TBC1D17: variants seen among roughly 807,000 people sequenced by gnomAD.
The protein encoded by TBC1D17 is TBC1 domain family member 17.
In TBC1D17, 69 loss-of-function variants were observed where a neutral mutation model predicts 78.8. The observed-to-expected ratio is 0.88, with a 90% confidence interval of 0.72 to 1.07. The LOEUF is 1.07. TBC1D17 is among the 50% of genes least tolerant of loss of function. The pLI is 0.00. For missense variants in TBC1D17, 957 were observed against 861.0 expected, an observed-to-expected ratio of 1.11 and a Z score of -1.39; for synonymous variants, 456 against 358.3, an observed-to-expected ratio of 1.27 and a Z score of -3.08.
intron 4 of TBC1D17, among the ~76,000 whole-genome samples, chr19:49,880,808 T>C (rs2075006022): frequency 6.6e-6 from 1 of 151,900 alleles, no homozygotes; most frequent in South Asian, 2.1e-4. Context: ...CAGGAAGAGG[T>C]GATGCTGGAG....
rs567453463 is a variant in TBC1D17 at position 49,887,160 on chromosome 19, C to T, written c.1445-316C>T. ...CCTTCAGCTTAAATTTTTGCTACAGCGTATCTAGGAGTGTCAGTTCCCTTA... is the reference window on the plus strand; with the variant it reads ...CCTTCAGCTTAAATTTTTGCTACAGTGTATCTAGGAGTGTCAGTTCCCTTA... On this transcript the variant is annotated intron_variant, in intron 13 of 16. Coordinates refer to ENST00000221543, the MANE Select transcript of TBC1D17 (RefSeq NM_024682.3). The T allele has an allele frequency of 9.9e-4, 360 of 365,396 alleles. 1 individual carries two copies. Among genetic ancestry groups the T allele is most frequent in the Non-Finnish European group, 1.5e-3 (298 of 192,324 alleles). The allele number at this position is 365,396 out of a possible 1,614,324, so 22.6% of individuals were successfully genotyped here. A position where few individuals can be genotyped will look rare whatever the true frequency, so the allele number is the denominator to read the frequency against.
chr19:49,888,416 G>C lies in TBC1D17; in HGVS notation c.1747-8G>C. 6.3e-7 allele frequency: 1 copy of C among 1,593,396 alleles called. No individual in the cohort carries two copies. The highest frequency in any genetic ancestry group is 8.5e-7 in the Non-Finnish European group (1 of 1,175,616). ...CCGCTTTTCGCTTCTCTCATCCCGT[G>C]CCTCCAGGAGCTGCCCCACAACGTG... is the stretch of plus-strand genomic sequence containing the variant. On this transcript the variant is annotated splice_region_variant and splice_polypyrimidine_tract_variant and intron_variant, in intron 16 of 16. Coordinates refer to ENST00000221543, the MANE Select transcript of TBC1D17 (RefSeq NM_024682.3).
chr19:49,881,268 G>A lies in TBC1D17; in HGVS notation c.320G>A (p.Gly107Asp), dbSNP rs757115468. 1 of 1,612,326 alleles carries A rather than the reference G, an allele frequency of 6.2e-7. No individual in the cohort carries two copies. Among genetic ancestry groups the A allele is most frequent in the Non-Finnish European group, 8.5e-7 (1 of 1,179,582 alleles). Reference protein sequence around the residue: ...PQLCHSEPTRGAEPSCPQGSW... With the variant: ...PQLCHSEPTRDAEPSCPQGSW... Reference sequence around the variant, plus strand: ...CCCCAACACAGTGCCGTCTCCCTAGGTGCAGAGCCCAGCTGCCCCCAGGGC... The same window carrying A: ...CCCCAACACAGTGCCGTCTCCCTAGATGCAGAGCCCAGCTGCCCCCAGGGC... Residue 107 changes from glycine to aspartate, a missense_variant and splice_region_variant, in exon 5 of 17, where the codon GGT (glycine) becomes GAT (aspartate). Gly to Asp is a moderately conservative substitution (Grantham distance 94, BLOSUM62 -1). Coordinates refer to ENST00000221543, the MANE Select transcript of TBC1D17 (RefSeq NM_024682.3).
At chr19:49,887,450 T>G (rs1048372580) in intron 13 of TBC1D17, 26 bp from the exon 14 acceptor site, 2 of 1,609,526 alleles carry the variant, frequency 1.2e-6, no homozygotes, top group Non-Finnish European at 1.7e-6. Flanking sequence ...TGGGCAAGGC[T>G]GAGTGGGCTC....
intron 9 of TBC1D17, 45 bp downstream of exon 9, chr19:49,883,121 A>G: frequency 6.5e-7 from 1 of 1,549,822 alleles, no homozygotes; most frequent in Non-Finnish European, 8.8e-7. Context: ...GACACCTGGT[A>G]CCTCCTAGGG....
intron 1 of TBC1D17, 132 bp downstream of exon 1, chr19:49,877,876 G>A (rs1379326759): frequency 7.9e-6 from 9 of 1,143,846 alleles, no homozygotes; most frequent in African/African-American, 7.8e-5. Context: ...TTATAAACGC[G>A]CCGTCACCCT....
At position 49,882,479 on chromosome 19, in the gene TBC1D17, T is replaced by A. The variant is rs985810737; in HGVS notation, c.798+79T>A. 1.9e-6 allele frequency: 3 copies of A among 1,542,994 alleles called. No homozygotes were observed. In the African/African-American group the frequency reaches 4.1e-5, roughly 21 times the overall value. The stretch of plus-strand genomic sequence containing the variant: ...ATGATTTCATTTCCCTGGGCCTCAG[T>A]TTCCTCTTTGGTAAAACGGGGATGG... On this transcript the variant is annotated intron_variant, in intron 7 of 16. Coordinates refer to ENST00000221543, the MANE Select transcript of TBC1D17 (RefSeq NM_024682.3).
At position 49,884,525 on chromosome 19, in the gene TBC1D17, C is replaced by T; in HGVS notation, c.1310C>T (p.Ala437Val). 6.2e-7 allele frequency: 1 copy of T among 1,614,160 alleles called. No homozygotes were observed. The highest frequency in any genetic ancestry group is 1.3e-5 in the African/African-American group (1 of 75,030). Residue 437 changes from alanine (A) to valine (V), a missense_variant, in exon 12 of 17, where the codon GCT becomes GTT. Coordinates refer to ENST00000221543, the MANE Select transcript of TBC1D17 (RefSeq NM_024682.3). ...ILYVIQNEVD[A>V]FWCFCGFMEL... ...TACGTCATTCAGAACGAGGTGGATG[C>T]TTTCTGGTGTTTCTGTGGCTTCATG... is the stretch of plus-strand genomic sequence containing the variant.
chr19:49,886,252 C>T (rs2075057674), intron 13 of TBC1D17, among the ~76,000 whole-genome samples: 1 of 150,560 alleles, frequency 6.6e-6, no homozygotes, highest in Non-Finnish European at 1.5e-5. Context: ...GAGACTTTGT[C>T]TCAAAAAAAA....
At chr19:49,877,966 GGAACGCACGTCAGCATCC>G (rs2074971947) in intron 1 of TBC1D17, 159 bp from the exon 2 acceptor site, 1 of 717,378 alleles carries the variant, frequency 1.4e-6, no homozygotes, top group Non-Finnish European at 2.2e-6. Flanking sequence ...TGCCCCCTGT[GGAACGCACGTCAGCATCC>G]GAACGCGGGC....
chr19:49,878,333 G>A, intron 2 of TBC1D17, 92 bp downstream of exon 2: 3 of 1,299,386 alleles, frequency 2.3e-6, no homozygotes, highest in Middle Eastern at 1.8e-4. Context: ...TTGGTCTGGC[G>A]GTCAGCAGTG....
At position 49,880,272 on chromosome 19, in the gene TBC1D17, T is replaced by C. The variant is rs1195840665; in HGVS notation, c.196-7T>C. The C allele has an allele frequency of 1.9e-6, 3 of 1,613,926 alleles. No homozygotes were observed. Among genetic ancestry groups the C allele is most frequent in the Non-Finnish European group, 8.5e-7 (1 of 1,179,892 alleles). On this transcript the variant is annotated splice_region_variant and splice_polypyrimidine_tract_variant and intron_variant, in intron 3 of 16. Coordinates refer to ENST00000221543, the MANE Select transcript of TBC1D17 (RefSeq NM_024682.3). ...CCCCTTACTGTCTGCTCCTTTCCTC[T>C]CCTAAGGACTCCAGTGGGGGTGACT... is the stretch of plus-strand genomic sequence containing the variant.
At position 49,878,161 on chromosome 19, in the gene TBC1D17, G is replaced by C. The variant is rs1319941193; in HGVS notation, c.40G>C (p.Gly14Arg). 6.3e-7 allele frequency: 1 copy of C among 1,578,332 alleles called. No individual in the cohort carries two copies. ...AACTCAGGTGGTGTTTGAGAAGGGCGGAGTGTACCTGCACACCAGCGCTAA... is the reference window on the plus strand; with the variant it reads ...AACTCAGGTGGTGTTTGAGAAGGGCCGAGTGTACCTGCACACCAGCGCTAA... ...AGYRVVFEKG[G>R]VYLHTSAKKY... Residue 14 changes from glycine to arginine, a missense_variant, in exon 2 of 17, where the codon GGA becomes CGA. Physicochemically the swap from Gly to Arg is moderately radical, Grantham distance 125. Transcript: ENST00000221543.
Position 49,882,354 on chromosome 19 carries a change from C to G in TBC1D17, c.752C>G (p.Pro251Arg), listed in dbSNP as rs146013154. The G allele has an allele frequency of 5.1e-5, 82 of 1,609,930 alleles. No homozygotes were observed. The African/African-American group carries it at 8.5e-4, about 17-fold the overall frequency. Residue 251 changes from proline to arginine, a missense_variant, in exon 7 of 17, where the codon CCG (proline) becomes CGG (arginine). Pro to Arg is a moderately radical substitution (Grantham distance 103). Transcript: ENST00000221543. ...QPEGAASDLP[P>R]PPDDEPEPGF... ...GAGGGAGCCGCCTCCGACCTTCCCC[C>G]GCCACCCGACGATGAGCCCGAGCCT...
chr19:49,885,055 ACTT>A (rs1188496500), intron 13 of TBC1D17: 2 of 402,646 alleles, frequency 5.0e-6, no homozygotes, highest in African/African-American at 4.0e-5. Context: ...CATTCCTGCC[ACTT>A]CTTATCCCCA....
Position 49,888,649 on chromosome 19 carries a change from A to G in TBC1D17, c.*25A>G. 3 of 1,520,398 alleles carry G rather than the reference A, an allele frequency of 2.0e-6. No homozygotes were observed. The highest frequency in any genetic ancestry group is 2.0e-5 in the Admixed American group (1 of 48,888). The allele number at this position is 1,520,398 out of a possible 1,614,324, so 94.2% of individuals were successfully genotyped here. On this transcript the variant is annotated 3_prime_UTR_variant, in exon 17 of 17. Coordinates refer to ENST00000221543, the MANE Select transcript of TBC1D17 (RefSeq NM_024682.3). ...ACCCCGCCAGGCAGCCTCGTTCTGC[A>G]CAGGCACTTTAGCCCGAGCCAGGCA...
At chr19:49,883,425 T>TG (rs1251669343) in intron 9 of TBC1D17, among the ~76,000 whole-genome samples, 2 of 151,862 alleles carry the variant, frequency 1.3e-5, no homozygotes, top group Non-Finnish European at 2.9e-5. Context: ...CCCTGTCCAG[T>TG]GGGGGGTGAC....
In TBC1D17 at chr19:49,883,212, T is replaced by C. The variant is rs530140834; in HGVS notation, c.1031+136T>C. ...ATCCTGCGCCTGTGGAATACGGCAA[T>C]GATCAAGCCAGACCCATCCTCACCC... is the stretch of plus-strand genomic sequence containing the variant. On this transcript the variant is annotated intron_variant, in intron 9 of 16. Transcript: ENST00000221543. 6.6e-6 allele frequency: 5 copies of C among 760,448 alleles called. No individual in the cohort carries two copies. The African/African-American group carries it at 8.8e-5, about 13-fold the overall frequency. The allele number at this position is 760,448 out of a possible 1,614,324, so 47.1% of individuals were successfully genotyped here.
rs779937679 is a variant in TBC1D17 at position 49,887,821 on chromosome 19, A to G, written c.1646A>G (p.Asn549Ser). The G allele has an allele frequency of 1.9e-6, 3 of 1,609,958 alleles. No homozygotes were observed. The highest frequency in any genetic ancestry group is 2.2e-5 in the East Asian group (1 of 44,808). ...DTLMLSGFGS[N>S]EILKHINELT... ...CTCATGCTGTCCGGCTTCGGCTCCA[A>G]TGAGATCCTCAAGGTGAGGCTCCGG... is the stretch of plus-strand genomic sequence containing the variant. Residue 549 changes from asparagine to serine, a missense_variant, in exon 15 of 17, where the codon AAT (asparagine) becomes AGT (serine). Asn to Ser is a conservative substitution (Grantham distance 46, BLOSUM62 1). Coordinates refer to ENST00000221543, the MANE Select transcript of TBC1D17 (RefSeq NM_024682.3).
Sources: gnomAD v4.1 joint callset for allele counts (sites outside exome capture counted in the v4.1 genomes callset) on GRCh38, gnomAD v4.1.1 for gene constraint, MANE v1.5 for transcripts, NCBI Gene and HGNC (gene_info 2026-07-23, HGNC 2026-07-21) for gene names.